Variants in PTPRD observed in about 807,000 individuals in gnomAD.
The protein encoded by PTPRD is protein tyrosine phosphatase receptor type D, also known as receptor-type tyrosine-protein phosphatase delta.
Under a neutral mutation model 214.5 loss-of-function variants are expected in PTPRD, and 34 were observed. That is an observed-to-expected ratio of 0.16 (90% CI 0.12 to 0.21). PTPRD has a LOEUF of 0.21. Ranked by LOEUF, PTPRD falls within the 10% of genes least tolerant of loss-of-function variation. The pLI is 1.00. For synonymous variants in PTPRD, 1,128 were observed against 845.7 expected (o/e 1.33, Z -5.79); for missense variants, 2,545 against 2,398.7 (o/e 1.06, Z -1.27).
intron 10 of PTPRD, among the ~76,000 whole-genome samples, chr9:9,119,353 GC>G (rs770330212): frequency 1.1e-4 from 16 of 151,428 alleles, no homozygotes; most frequent in Non-Finnish European, 2.1e-4. Context: ...ATCTGATTTA[GC>G]AAAAATGGTG....
At chr9:9,164,594 G>A (rs529491652) in intron 10 of PTPRD, among the ~76,000 whole-genome samples, 2 of 150,180 alleles carry the variant, frequency 1.3e-5, no homozygotes, top group South Asian at 4.2e-4. Flanking sequence ...CTATTACAGA[G>A]CATAAAATCT....
intron 8 of PTPRD, among the ~76,000 whole-genome samples, chr9:9,564,554 A>G (rs2083838461): frequency 6.6e-6 from 1 of 152,066 alleles, no homozygotes; most frequent in African/African-American, 2.4e-5. Context: ...TCTCTTGCAC[A>G]CCAAATTGTG....
At chr9:9,752,116 TG>T (rs781597286) in intron 6 of PTPRD, among the ~76,000 whole-genome samples, 8 of 152,122 alleles carry the variant, frequency 5.3e-5, no homozygotes, top group Non-Finnish European at 8.8e-5. Context: ...AGTCAGTGTG[TG>T]CTAATTGTTT....
intron 2 of PTPRD, among the ~76,000 whole-genome samples, chr9:10,546,066 C>A (rs1411751403): frequency 2.6e-5 from 4 of 152,122 alleles, no homozygotes; most frequent in African/African-American, 9.7e-5. Context: ...AGGGACACAA[C>A]TATCATTAGC....
chr9:10,429,616 G>T (rs606998), intron 2 of PTPRD, among the ~76,000 whole-genome samples: 3,723 of 151,416 alleles, frequency 0.025, 137 homozygotes, highest in African/African-American at 0.085. Flanking sequence ...CATAAGTGAG[G>T]GATAAAAAAT....
At chr9:9,828,533 G>C (rs964486853) in intron 5 of PTPRD, among the ~76,000 whole-genome samples, 8 of 152,000 alleles carry the variant, frequency 5.3e-5, no homozygotes, top group Non-Finnish European at 1.0e-4. Flanking sequence ...GATAGCATTA[G>C]GAGATATACT....
At chr9:10,286,606 G>C (rs938698052) in intron 3 of PTPRD, among the ~76,000 whole-genome samples, 1 of 151,842 alleles carries the variant, frequency 6.6e-6, no homozygotes, top group Non-Finnish European at 1.5e-5. Context: ...TTGTTTGTTT[G>C]CTTGCTTTTG....
At chr9:8,736,262 C>A (rs984288875) in intron 11 of PTPRD, among the ~76,000 whole-genome samples, 1 of 152,096 alleles carries the variant, frequency 6.6e-6, no homozygotes, top group African/African-American at 2.4e-5. Context: ...ACCTATAGAA[C>A]CCTCAATAAA....
At position 9,754,325 on chromosome 9, in the gene PTPRD, G is replaced by A. The variant is rs376767727; in HGVS notation, c.-326+12485C>T. 4.6e-5 allele frequency among the ~76,000 whole-genome samples: 7 copies of A among 152,132 alleles called. No homozygotes were observed. The East Asian group carries it at 9.7e-4, about 21-fold the overall frequency. ...AACCTCCCAGGAAACTGGATGACTT[G>A]TAAACTTTTACTGGAAGAAATAAAT... On this transcript the variant is annotated intron_variant, in intron 6 of 45. Transcript: ENST00000381196.
intron 6 of PTPRD, among the ~76,000 whole-genome samples, chr9:9,748,578 A>C (rs1271731975): frequency 6.6e-6 from 1 of 152,214 alleles, no homozygotes; most frequent in Non-Finnish European, 1.5e-5. Context: ...TACCTCAATG[A>C]GGAGGAGTAC....
At chr9:9,888,528 G>A (rs1472989188) in intron 5 of PTPRD, among the ~76,000 whole-genome samples, 2 of 152,126 alleles carry the variant, frequency 1.3e-5, no homozygotes, top group Non-Finnish European at 2.9e-5. Flanking sequence ...AAAGTAATGA[G>A]TGAGATCTAG....
intron 5 of PTPRD, among the ~76,000 whole-genome samples, chr9:9,786,129 T>G (rs1354681782): frequency 6.6e-6 from 1 of 152,164 alleles, no homozygotes; most frequent in Non-Finnish European, 1.5e-5. Context: ...ACCTAAAAAT[T>G]TTTCATGTCT....
chr9:8,544,164 C>CT (rs373194856), intron 14 of PTPRD, among the ~76,000 whole-genome samples: 4,708 of 111,082 alleles, frequency 0.042, 383 homozygotes, highest in African/African-American at 0.14. Context: ...TTTGCCATTA[C>CT]TTTTTTTTTT....
intron 11 of PTPRD, among the ~76,000 whole-genome samples, chr9:8,969,925 G>A (rs550585042): frequency 1.2e-4 from 19 of 152,034 alleles, no homozygotes; most frequent in Non-Finnish European, 2.5e-4. Context: ...ATTTTGATTA[G>A]TGTCATCATA....
At chr9:10,086,538 C>T (rs1247104911) in intron 3 of PTPRD, among the ~76,000 whole-genome samples, 1 of 151,780 alleles carries the variant, frequency 6.6e-6, no homozygotes, top group African/African-American at 2.4e-5. Context: ...CCCTTTCTAG[C>T]TGTTATAAAC....
chr9:8,843,242 T>G (rs533991262), intron 11 of PTPRD, among the ~76,000 whole-genome samples: 1 of 152,376 alleles, frequency 6.6e-6, no homozygotes, highest in African/African-American at 2.4e-5. Context: ...CACATCGGGC[T>G]GGTACAAAAT....
chr9:10,179,570 G>A (rs1056145292), intron 3 of PTPRD, among the ~76,000 whole-genome samples: 1 of 152,022 alleles, frequency 6.6e-6, no homozygotes, highest in Non-Finnish European at 1.5e-5. Flanking sequence ...AGACAGGGAA[G>A]TAAGTGCATA....
chr9:8,419,285 A>G (rs2094185580), intron 35 of PTPRD, among the ~76,000 whole-genome samples: 1 of 151,856 alleles, frequency 6.6e-6, no homozygotes, highest in African/African-American at 2.4e-5. Flanking sequence ...CAAGCTATTC[A>G]ATAAAAGTAA....
At chr9:9,616,146 C>T (rs939629471) in intron 7 of PTPRD, among the ~76,000 whole-genome samples, 9 of 152,046 alleles carry the variant, frequency 5.9e-5, no homozygotes, top group South Asian at 2.1e-4. Flanking sequence ...AAGAAAGACA[C>T]GCTTCAGAAG....
Sources: gnomAD v4.1 joint callset for allele counts (sites outside exome capture counted in the v4.1 genomes callset) on GRCh38, gnomAD v4.1.1 for gene constraint, MANE v1.5 for transcripts, NCBI Gene and HGNC (gene_info 2026-07-23, HGNC 2026-07-21) for gene names.